TENM3: variants seen among roughly 807,000 people sequenced by gnomAD.
TENM3 encodes the protein teneurin-3.
TENM3 carries 63 observed loss-of-function variants against 255.1 expected under a neutral mutation model. The observed-to-expected ratio is 0.25, with a 90% CI of 0.20 to 0.30. TENM3 has a LOEUF of 0.30. Ranked by LOEUF, TENM3 falls within the 10% of genes least tolerant of loss-of-function variation. The pLI, the probability that TENM3 is intolerant of heterozygous loss-of-function variation, is 1.00. For missense variants in TENM3, 2,929 were observed against 3,461.1 expected, an observed-to-expected ratio of 0.85 and a Z score of 3.86; for synonymous variants, 1,306 against 1,322.3, an observed-to-expected ratio of 0.99 and a Z score of 0.27.
At chr4:181,938,126 C>T in the TENM3 span, among the ~76,000 whole-genome samples, 20 of 152,188 alleles carry the variant, frequency 1.3e-4, no homozygotes, top group Non-Finnish European at 2.8e-4. Context: ...AGTTTGATTT[C>T]ATGCTTGCTG....
chr4:181,876,343 C>A, the TENM3 span, among the ~76,000 whole-genome samples: 1 of 152,144 alleles, frequency 6.6e-6, no homozygotes, highest in Admixed American at 6.6e-5. Flanking sequence ...CTTGTACCTA[C>A]CATGAAATAT....
the TENM3 span, among the ~76,000 whole-genome samples, chr4:181,635,475 T>C: frequency 6.6e-6 from 1 of 152,222 alleles, no homozygotes; most frequent in African/African-American, 2.4e-5. Flanking sequence ...TTCGCTGCAG[T>C]TCAGCTGAGA....
the TENM3 span, among the ~76,000 whole-genome samples, chr4:181,479,358 G>T: frequency 2.0e-5 from 3 of 152,166 alleles, no homozygotes; most frequent in Non-Finnish European, 4.4e-5. Context: ...CACAAAGCAA[G>T]TAACTAATTA....
the TENM3 span, among the ~76,000 whole-genome samples, chr4:181,890,934 G>A: frequency 1.3e-5 from 2 of 152,130 alleles, no homozygotes; most frequent in Non-Finnish European, 1.5e-5. Context: ...AAAAATAATG[G>A]AACTAATTCT....
At chr4:182,330,555 A>T (rs905554055) in intron 2 of TENM3, among the ~76,000 whole-genome samples, 1 of 152,176 alleles carries the variant, frequency 6.6e-6, no homozygotes, top group Non-Finnish European at 1.5e-5. Context: ...TCAAATGCCA[A>T]GTGCCATGTT....
chr4:181,629,623 T>C, the TENM3 span, among the ~76,000 whole-genome samples: 4 of 152,252 alleles, frequency 2.6e-5, no homozygotes, highest in African/African-American at 9.6e-5. Context: ...GTTCTGTTTA[T>C]ATGCTGGATT....
At chr4:181,948,560 T>A in the TENM3 span, among the ~76,000 whole-genome samples, 3 of 152,002 alleles carry the variant, frequency 2.0e-5, no homozygotes, top group African/African-American at 7.2e-5. Flanking sequence ...GGATTACAGG[T>A]GCACGCCACC....
the TENM3 span, among the ~76,000 whole-genome samples, chr4:182,121,187 G>A: frequency 7.3e-5 from 11 of 151,712 alleles, no homozygotes; most frequent in South Asian, 2.1e-4. Flanking sequence ...TAGTGGAGAC[G>A]GGTTTTCACC....
chr4:181,561,682 T>C, the TENM3 span, among the ~76,000 whole-genome samples: 4 of 152,238 alleles, frequency 2.6e-5, no homozygotes, highest in African/African-American at 9.6e-5. Flanking sequence ...TTAGGCATTT[T>C]ACATATAACT....
At chr4:182,594,882 G>A (rs572199247) in intron 3 of TENM3, among the ~76,000 whole-genome samples, 1 of 152,064 alleles carries the variant, frequency 6.6e-6, no homozygotes, top group East Asian at 2.0e-4. Flanking sequence ...ACCGCGCCCA[G>A]CTAATTTTTG....
chr4:182,787,754 A>AT (rs1765791890), intron 24 of TENM3, among the ~76,000 whole-genome samples: 1 of 151,070 alleles, frequency 6.6e-6, no homozygotes, highest in South Asian at 2.1e-4. Flanking sequence ...AAAAAAAAAA[A>AT]AAAAAAAAGA....
chr4:182,308,332 T>A (rs184370949), intron 1 of TENM3, among the ~76,000 whole-genome samples: 15 of 152,082 alleles, frequency 9.9e-5, no homozygotes, highest in African/African-American at 3.6e-4. Flanking sequence ...TTTTTTTTTT[T>A]ATGAGACAGG....
intron 3 of TENM3, among the ~76,000 whole-genome samples, chr4:182,447,063 G>GA (rs1772981412): frequency 6.6e-6 from 1 of 152,086 alleles, no homozygotes; most frequent in African/African-American, 2.4e-5. Context: ...TCAAAACCCT[G>GA]AAATAACTTC....
chr4:182,427,688 C>A (rs1771327364), intron 3 of TENM3, among the ~76,000 whole-genome samples: 1 of 152,126 alleles, frequency 6.6e-6, no homozygotes, highest in African/African-American at 2.4e-5. Flanking sequence ...ATGCGGTACA[C>A]AAAACAGACT....
the TENM3 span, among the ~76,000 whole-genome samples, chr4:182,066,659 C>G: frequency 2.0e-5 from 3 of 150,498 alleles, no homozygotes; most frequent in African/African-American, 7.3e-5. Flanking sequence ...GCCTATAATC[C>G]CAGCACTTTC....
intron 3 of TENM3, among the ~76,000 whole-genome samples, chr4:182,536,401 C>A (rs759255811): frequency 5.3e-5 from 8 of 152,224 alleles, no homozygotes; most frequent in Non-Finnish European, 1.0e-4. Flanking sequence ...CTACTGGGCG[C>A]CGGAGCAAAA....
chr4:182,524,893 C>T (rs533640505), intron 3 of TENM3, among the ~76,000 whole-genome samples: 8 of 151,616 alleles, frequency 5.3e-5, no homozygotes, highest in Admixed American at 2.0e-4. Context: ...GGCCTGGTGG[C>T]GCGCACCTGT....
At chr4:181,466,014 T>C in the TENM3 span, among the ~76,000 whole-genome samples, 1 of 152,148 alleles carries the variant, frequency 6.6e-6, no homozygotes. Context: ...GCCGCCTACA[T>C]GCCATAGCTA....
intron 21 of TENM3, among the ~76,000 whole-genome samples, chr4:182,753,857 A>G (rs1440568573): frequency 6.6e-6 from 1 of 152,250 alleles, no homozygotes; most frequent in East Asian, 1.9e-4. Context: ...ATAAAATACC[A>G]GTAAAGTAGG....
Sources: gnomAD v4.1 joint callset for allele counts (sites outside exome capture counted in the v4.1 genomes callset) on GRCh38, gnomAD v4.1.1 for gene constraint, MANE v1.5 for transcripts, NCBI Gene and HGNC (gene_info 2026-07-23, HGNC 2026-07-21) for gene names.